The following CNTNAP2 variants were observed in gnomAD, a reference collection of about 807,000 sequenced individuals.
The protein encoded by CNTNAP2 is contactin-associated protein-like 2.
Under a neutral mutation model 155.2 loss-of-function variants are expected in CNTNAP2, and 98 were observed. The observed-to-expected ratio is 0.63, with a 90% confidence interval of 0.54 to 0.75. CNTNAP2 has a LOEUF of 0.75. Ranked by LOEUF, CNTNAP2 falls within the 30% of genes least tolerant of loss-of-function variation. The probability of loss-of-function intolerance (pLI) is 0.00; values close to 1 mark genes in which losing one functional copy is unlikely to be tolerated. For missense variants in CNTNAP2, 1,727 were observed against 1,688.1 expected, an observed-to-expected ratio of 1.02 and a Z score of -0.40; for synonymous variants, 651 against 631.2, an observed-to-expected ratio of 1.03 and a Z score of -0.47.
chr7:146,545,648 A>G (rs1265384957), intron 1 of CNTNAP2, among the ~76,000 whole-genome samples: 1 of 151,812 alleles, frequency 6.6e-6, no homozygotes, highest in Non-Finnish European at 1.5e-5. Flanking sequence ...AGCTTCATCC[A>G]TGTCCCTGTG....
intron 13 of CNTNAP2, among the ~76,000 whole-genome samples, chr7:147,639,840 C>T (rs28599498): frequency 0.028 from 4,202 of 152,234 alleles, 195 homozygotes; most frequent in African/African-American, 0.096. Flanking sequence ...TGAGTGTGCA[C>T]ATGCAAACAC....
chr7:148,213,879 G>A (rs573082956), intron 18 of CNTNAP2, among the ~76,000 whole-genome samples: 1 of 152,256 alleles, frequency 6.6e-6, no homozygotes, highest in Admixed American at 6.5e-5. Context: ...CCAACACCCA[G>A]CTGAAATGTG....
At chr7:146,704,452 A>T (rs1257860412) in intron 1 of CNTNAP2, among the ~76,000 whole-genome samples, 1 of 152,180 alleles carries the variant, frequency 6.6e-6, no homozygotes, top group Admixed American at 6.6e-5. Context: ...AGAAACCATC[A>T]TTAGACAGAT....
At chr7:146,656,054 G>C (rs1437260743) in intron 1 of CNTNAP2, among the ~76,000 whole-genome samples, 1 of 152,196 alleles carries the variant, frequency 6.6e-6, no homozygotes, top group African/African-American at 2.4e-5. Flanking sequence ...AACAGGCAGT[G>C]TTCAAAAATT....
intron 1 of CNTNAP2, among the ~76,000 whole-genome samples, chr7:146,151,678 ATATG>A (rs1301006750): frequency 0.092 from 2,242 of 24,268 alleles, 148 homozygotes; most frequent in South Asian, 0.17. Flanking sequence ...ATATATATAT[ATATG>A]TATATATATA....
At chr7:146,693,833 A>G (rs1468191501) in intron 1 of CNTNAP2, among the ~76,000 whole-genome samples, 2 of 152,048 alleles carry the variant, frequency 1.3e-5, no homozygotes, top group Non-Finnish European at 2.9e-5. Context: ...CCCAACACCT[A>G]GGTATTAAGC....
intron 1 of CNTNAP2, among the ~76,000 whole-genome samples, chr7:146,652,335 G>T (rs918825227): frequency 6.6e-6 from 1 of 152,092 alleles, no homozygotes; most frequent in South Asian, 2.1e-4. Context: ...ATAGACCTAC[G>T]ACTGTTGGTT....
chr7:148,163,002 A>G (rs773354408), intron 17 of CNTNAP2, among the ~76,000 whole-genome samples: 1 of 152,230 alleles, frequency 6.6e-6, no homozygotes, highest in African/African-American at 2.4e-5. Context: ...GTGCCAAAAA[A>G]AATAAATAAA....
Position 148,384,163 on chromosome 7 carries a change from G to A in CNTNAP2, c.3715+275G>A, listed in dbSNP as rs114864459. 4.2e-3 allele frequency among the ~76,000 whole-genome samples: 640 copies of A among 152,244 alleles called. 4 individuals are homozygous for A. Among genetic ancestry groups the A allele is most frequent in the Middle Eastern group, 0.017 (5 of 294 alleles). On this transcript the variant is annotated intron_variant, in intron 22 of 23. Coordinates refer to ENST00000361727, the MANE Select transcript of CNTNAP2 (RefSeq NM_014141.6). ...ATGACTTGCCTAAACTGATGTCTGCGCCATGACTGTGGGTGATTTGATCAA... is the reference window on the plus strand; with the variant it reads ...ATGACTTGCCTAAACTGATGTCTGCACCATGACTGTGGGTGATTTGATCAA...
chr7:147,345,015 C>A (rs979196555), intron 9 of CNTNAP2, among the ~76,000 whole-genome samples: 12 of 151,806 alleles, frequency 7.9e-5, no homozygotes, highest in African/African-American at 2.9e-4. Context: ...AACTATATGT[C>A]TTTTTCTAGT....
At chr7:148,095,446 G>C (rs931406572) in intron 15 of CNTNAP2, among the ~76,000 whole-genome samples, 1 of 152,190 alleles carries the variant, frequency 6.6e-6, no homozygotes, top group Admixed American at 6.5e-5. Flanking sequence ...AATTAGCCAG[G>C]CTTCTAATAA....
chr7:147,848,372 G>C (rs35799380), intron 13 of CNTNAP2, among the ~76,000 whole-genome samples: 12,003 of 148,606 alleles, frequency 0.081, 630 homozygotes, highest in Admixed American at 0.13. Flanking sequence ...AGGTGCGTCC[G>C]TCACCCCTTT....
chr7:146,212,305 T>G (rs1183405554), intron 1 of CNTNAP2, among the ~76,000 whole-genome samples: 1 of 152,162 alleles, frequency 6.6e-6, no homozygotes, highest in Non-Finnish European at 1.5e-5. Context: ...TAAATGTGGA[T>G]GGAAGACGTA....
intron 13 of CNTNAP2, among the ~76,000 whole-genome samples, chr7:147,670,085 A>T (rs984733710): frequency 1.3e-5 from 2 of 152,310 alleles, no homozygotes; most frequent in Middle Eastern, 6.8e-3. Context: ...CTTCTGACTA[A>T]AGTGAAAATG....
At chr7:146,853,285 A>G (rs1363794994) in intron 3 of CNTNAP2, among the ~76,000 whole-genome samples, 1 of 152,208 alleles carries the variant, frequency 6.6e-6, no homozygotes, top group East Asian at 1.9e-4. Context: ...AGGAATGCCA[A>G]TGATGTTGGT....
chr7:148,124,830 G>A (rs201373049), intron 16 of CNTNAP2, among the ~76,000 whole-genome samples: 7 of 152,098 alleles, frequency 4.6e-5, no homozygotes, highest in Admixed American at 3.3e-4. Flanking sequence ...ATGAACAATC[G>A]GTGGAGAGGT....
chr7:146,297,563 G>A (rs1800534006), intron 1 of CNTNAP2, among the ~76,000 whole-genome samples: 1 of 152,024 alleles, frequency 6.6e-6, no homozygotes, highest in Non-Finnish European at 1.5e-5. Flanking sequence ...TAGAAAAAGT[G>A]CAGGAAAGAG....
At chr7:146,501,322 C>T (rs1288901557) in intron 1 of CNTNAP2, among the ~76,000 whole-genome samples, 1 of 151,986 alleles carries the variant, frequency 6.6e-6, no homozygotes, top group African/African-American at 2.4e-5. Context: ...GTAGAATTCA[C>T]CAGTGAATCT....
chr7:146,179,233 T>G (rs1004688985), intron 1 of CNTNAP2, among the ~76,000 whole-genome samples: 1 of 152,062 alleles, frequency 6.6e-6, no homozygotes, highest in Non-Finnish European at 1.5e-5. Context: ...GTGTTGCAGA[T>G]GGGAACATGG....
Sources: allele counts gnomAD v4.1 joint callset (sites outside exome capture counted in the v4.1 genomes callset), GRCh38; gene constraint gnomAD v4.1.1; transcripts MANE v1.5; gene names NCBI Gene and HGNC (gene_info 2026-07-23, HGNC 2026-07-21).